Variants in CDH6 observed in about 807,000 individuals in gnomAD.
The protein encoded by CDH6 is cadherin 6.
CDH6 carries 31 observed loss-of-function variants against 78.0 expected under a neutral mutation model. That is an observed-to-expected ratio of 0.40 (90% CI 0.30 to 0.54). CDH6 has a LOEUF of 0.54. Ranked by LOEUF, CDH6 falls within the 20% of genes least tolerant of loss-of-function variation. CDH6 has a pLI of 0.56. For synonymous variants in CDH6, 376 were observed against 368.8 expected (o/e 1.02, Z -0.23); for missense variants, 724 against 975.9 (o/e 0.74, Z 3.44).
At chr5:31,321,390 A>G (rs1738475187) in intron 11 of CDH6, among the ~76,000 whole-genome samples, 1 of 152,228 alleles carries the variant, frequency 6.6e-6, no homozygotes, top group African/African-American at 2.4e-5. Flanking sequence ...GCTTCAAAAC[A>G]TGGCAATTAT....
intron 2 of CDH6, among the ~76,000 whole-genome samples, chr5:31,271,732 G>A (rs1221890731): frequency 1.3e-5 from 2 of 152,126 alleles, no homozygotes; most frequent in Non-Finnish European, 2.9e-5. Flanking sequence ...GCTTTAGCTT[G>A]AGTGGCATCT....
At chr5:31,293,917 A>G (rs1737496577) in intron 2 of CDH6, 45 bp from the exon 3 acceptor site, 1 of 1,329,716 alleles carries the variant, frequency 7.5e-7, no homozygotes, top group African/African-American at 1.5e-5. Context: ...GTTTAGAACC[A>G]CATGCTTGAC....
At chr5:31,228,548 C>T (rs1203516964) in intron 1 of CDH6, among the ~76,000 whole-genome samples, 4 of 152,136 alleles carry the variant, frequency 2.6e-5, no homozygotes, top group African/African-American at 7.2e-5. Context: ...TGGTCCCCAA[C>T]CTTTTTGGCA....
At chr5:31,315,843 G>C (rs1738306245) in intron 8 of CDH6, among the ~76,000 whole-genome samples, 1 of 152,168 alleles carries the variant, frequency 6.6e-6, no homozygotes, top group African/African-American at 2.4e-5. Flanking sequence ...TGGTCTTCTG[G>C]TGGTTCATTC....
chr5:31,230,131 G>T (rs904921792), intron 1 of CDH6, among the ~76,000 whole-genome samples: 2 of 152,182 alleles, frequency 1.3e-5, no homozygotes, highest in African/African-American at 4.8e-5. Flanking sequence ...CACAGAAAGA[G>T]CCCTGAAGTC....
At position 31,328,587 on chromosome 5, in the gene CDH6, G is replaced by T. The variant is rs1357365968; in HGVS notation, c.*5279G>T. 1 of 203,952 alleles carries T rather than the reference G, an allele frequency of 4.9e-6. No homozygotes were observed. The highest frequency in any genetic ancestry group is 2.3e-5 in the African/African-American group (1 of 43,678). 12.6% of individuals were successfully genotyped at this position (203,952 alleles called of 1,614,324 possible). A position where few individuals can be genotyped will look rare whatever the true frequency, so the allele number is the denominator to read the frequency against. ...AGGCCTTATAATAAATGCTATGTGC[G>T]TCTTCAGTAGTTCCAAGCTAAAGCA... On this transcript the variant is annotated 3_prime_UTR_variant, in exon 12 of 12. Transcript: ENST00000265071.
chr5:31,206,867 A>T (rs1038791504), intron 1 of CDH6, among the ~76,000 whole-genome samples: 8 of 152,054 alleles, frequency 5.3e-5, no homozygotes, highest in African/African-American at 1.9e-4. Flanking sequence ...TACTCAGCTT[A>T]GAAAGAAGCA....
intron 1 of CDH6, among the ~76,000 whole-genome samples, chr5:31,261,905 G>A (rs968734090): frequency 1.3e-5 from 2 of 152,040 alleles, no homozygotes; most frequent in Admixed American, 6.5e-5. Flanking sequence ...CACCAGAGAA[G>A]CAATTCAATC....
intron 1 of CDH6, among the ~76,000 whole-genome samples, chr5:31,230,380 G>A (rs1741282272): frequency 6.6e-6 from 1 of 152,090 alleles, no homozygotes; most frequent in African/African-American, 2.4e-5. Flanking sequence ...TTAAAAGTCT[G>A]GCTCATTTTC....
At position 31,317,788 on chromosome 5, in the gene CDH6, G is replaced by A. The variant is rs1314340946; in HGVS notation, c.1746G>A (p.Gly582=). 1.2e-5 allele frequency: 20 copies of A among 1,614,064 alleles called. No individual in the cohort carries two copies. Among genetic ancestry groups the A allele is most frequent in the Admixed American group, 1.7e-5 (1 of 60,008 alleles). Residue 582 remains glycine, a synonymous_variant, in exon 11 of 12, where the codon GGG becomes GGA. Coordinates refer to ENST00000265071, the MANE Select transcript of CDH6 (RefSeq NM_004932.4). ...DNDYPVQSST[G]TVTVRVCACD... The stretch of plus-strand genomic sequence containing the variant: ...ACTACCCAGTTCAAAGCAGCACTGG[G>A]ACAGTGACTGTCCGGGTCTGTGCAT...
chr5:31,310,450 C>T (rs780209822), intron 7 of CDH6, among the ~76,000 whole-genome samples: 1 of 152,202 alleles, frequency 6.6e-6, no homozygotes, highest in African/African-American at 2.4e-5. Context: ...ATGGTGCAAG[C>T]TATTGGTGGA....
At chr5:31,202,642 AAT>A (rs921185658) in intron 1 of CDH6, among the ~76,000 whole-genome samples, 5 of 130,438 alleles carry the variant, frequency 3.8e-5, no homozygotes, top group African/African-American at 7.9e-5. Flanking sequence ...ACCTCAAAAA[AAT>A]ATATATATAT....
At chr5:31,224,632 A>G (rs1311497015) in intron 1 of CDH6, among the ~76,000 whole-genome samples, 1 of 152,124 alleles carries the variant, frequency 6.6e-6, no homozygotes, top group Non-Finnish European at 1.5e-5. Flanking sequence ...GGCTCACTGC[A>G]GCCGTGACCT....
intron 1 of CDH6, among the ~76,000 whole-genome samples, chr5:31,229,525 A>G (rs928116840): frequency 3.3e-5 from 5 of 152,218 alleles, no homozygotes; most frequent in Non-Finnish European, 5.9e-5. Flanking sequence ...GCTGGTGCCA[A>G]TTTGGAAGCT....
At chr5:31,253,087 C>T (rs1741952812) in intron 1 of CDH6, among the ~76,000 whole-genome samples, 1 of 152,154 alleles carries the variant, frequency 6.6e-6, no homozygotes, top group Non-Finnish European at 1.5e-5. Context: ...AAATTCAGTG[C>T]CCAGGGAGGC....
Position 31,302,175 on chromosome 5 carries a change from C to T in CDH6, c.876C>T (p.Ala292=). Residue 292 remains alanine, a synonymous_variant, in exon 6 of 12, where the codon GCC becomes GCT. Coordinates refer to ENST00000265071, the MANE Select transcript of CDH6 (RefSeq NM_004932.4). ...PPGTPIGRIK[A]SDADVGENAE... The stretch of plus-strand genomic sequence containing the variant: ...GGACACCAATTGGCAGAATCAAAGC[C>T]AGCGACGCTGATGTGGGAGAAAATG... 6.2e-7 allele frequency: 1 copy of T among 1,613,974 alleles called. No individual in the cohort carries two copies. Among genetic ancestry groups the T allele is most frequent in the Non-Finnish European group, 8.5e-7 (1 of 1,179,902 alleles).
chr5:31,215,577 A>G (rs1193000177), intron 1 of CDH6, among the ~76,000 whole-genome samples: 1 of 151,982 alleles, frequency 6.6e-6, no homozygotes, highest in Non-Finnish European at 1.5e-5. Flanking sequence ...CTCCATGTCT[A>G]TTTCTCTTTT....
chr5:31,276,064 A>T (rs1742683908), intron 2 of CDH6, among the ~76,000 whole-genome samples: 1 of 152,080 alleles, frequency 6.6e-6, no homozygotes, highest in African/African-American at 2.4e-5. Flanking sequence ...CTGGGCGCAA[A>T]CTCCCATCTT....
chr5:31,262,851 T>C (rs1380361150), intron 1 of CDH6, among the ~76,000 whole-genome samples: 1 of 152,158 alleles, frequency 6.6e-6, no homozygotes, highest in Non-Finnish European at 1.5e-5. Flanking sequence ...CCCCTCTACT[T>C]TGCCTGCTCA....
Sources: gnomAD v4.1 joint callset for allele counts (sites outside exome capture counted in the v4.1 genomes callset) on GRCh38, gnomAD v4.1.1 for gene constraint, MANE v1.5 for transcripts, NCBI Gene and HGNC (gene_info 2026-07-23, HGNC 2026-07-21) for gene names.